EIPR1: variants seen among roughly 807,000 people sequenced by gnomAD.
EIPR1 encodes the protein EARP and GARP complex-interacting protein 1.
A neutral mutation model predicts 48.1 loss-of-function variants in EIPR1; 25 were observed. The ratio of observed to expected loss-of-function variants is 0.52; its 90% CI spans 0.38 to 0.73. The LOEUF (loss-of-function observed/expected upper bound fraction) is 0.73, where lower values mean the gene tolerates loss of function less well. Ranked by LOEUF, EIPR1 falls within the 30% of genes least tolerant of loss-of-function variation. The pLI is 0.00. For missense variants in EIPR1, 415 were observed against 506.2 expected (o/e 0.82, Z 1.73); for synonymous variants, 204 against 201.9 (o/e 1.01, Z -0.09).
chr2:3,290,191 C>T (rs933916175), intron 3 of EIPR1, among the ~76,000 whole-genome samples: 2 of 152,248 alleles, frequency 1.3e-5, no homozygotes, highest in Non-Finnish European at 2.9e-5. Flanking sequence ...TGGCACAAGA[C>T]AGTGGCTCGT....
chr2:3,305,909 A>T (rs1180875831), intron 3 of EIPR1, among the ~76,000 whole-genome samples: 1 of 152,190 alleles, frequency 6.6e-6, no homozygotes, highest in Non-Finnish European at 1.5e-5. Context: ...TTCCTACAAG[A>T]TGACTCCTTG....
intron 4 of EIPR1, among the ~76,000 whole-genome samples, chr2:3,240,772 A>G (rs1257461781): frequency 1.3e-5 from 2 of 150,830 alleles, no homozygotes; most frequent in African/African-American, 4.9e-5. Context: ...CTCCTAAAGC[A>G]AAGCCAGCAG....
chr2:3,367,676 G>T (rs1243315363), intron 1 of EIPR1, among the ~76,000 whole-genome samples: 1 of 152,152 alleles, frequency 6.6e-6, no homozygotes, highest in African/African-American at 2.4e-5. Flanking sequence ...AGCTATTAAT[G>T]TAACTGACCA....
chr2:3,328,495 C>T (rs1321289402), intron 3 of EIPR1, among the ~76,000 whole-genome samples: 1 of 99,288 alleles, frequency 1.0e-5, no homozygotes, highest in Non-Finnish European at 2.4e-5. Flanking sequence ...CTAATGATCT[C>T]GGTGCCAGCC....
At chr2:3,293,577 A>T (rs574834165) in intron 3 of EIPR1, among the ~76,000 whole-genome samples, 1 of 152,276 alleles carries the variant, frequency 6.6e-6, no homozygotes, top group African/African-American at 2.4e-5. Flanking sequence ...ACCAGTCCCC[A>T]CGGGCACCTC....
chr2:3,354,647 G>A lies in EIPR1; in HGVS notation c.43-14C>T. The A allele has an allele frequency of 1.2e-6, 2 of 1,612,096 alleles. No individual in the cohort carries two copies. The highest frequency in any genetic ancestry group is 1.7e-6 in the Non-Finnish European group (2 of 1,178,550). On this transcript the variant is annotated splice_polypyrimidine_tract_variant and intron_variant, in intron 1 of 8. Coordinates refer to ENST00000382125, the MANE Select transcript of EIPR1 (RefSeq NM_003310.5). ...TAAGGCACGTGCCTGCAGGAGGGAA[G>A]AAAAACACATGCACATTTATGAAGT...
intron 4 of EIPR1, among the ~76,000 whole-genome samples, chr2:3,225,749 C>T (rs1373849954): frequency 6.6e-6 from 1 of 152,154 alleles, no homozygotes; most frequent in Non-Finnish European, 1.5e-5. Flanking sequence ...AGAATGTATT[C>T]ATCTTATAAG....
At chr2:3,372,418 C>T (rs1462367840) in intron 1 of EIPR1, among the ~76,000 whole-genome samples, 4 of 150,294 alleles carry the variant, frequency 2.7e-5, no homozygotes, top group African/African-American at 9.7e-5. Flanking sequence ...ACAAAAAACC[C>T]TTCAAAAAAT....
At chr2:3,297,166 A>G (rs1252649690) in intron 3 of EIPR1, among the ~76,000 whole-genome samples, 1 of 152,224 alleles carries the variant, frequency 6.6e-6, no homozygotes, top group Non-Finnish European at 1.5e-5. Context: ...CTCAGCATGT[A>G]TCTGGTGACC....
chr2:3,239,484 A>T (rs891617405), intron 4 of EIPR1, among the ~76,000 whole-genome samples: 1 of 152,130 alleles, frequency 6.6e-6, no homozygotes, highest in Non-Finnish European at 1.5e-5. Flanking sequence ...TTGTCTTCAG[A>T]TTTGGCCATG....
chr2:3,362,248 A>G (rs1013725889), intron 1 of EIPR1, among the ~76,000 whole-genome samples: 2 of 148,954 alleles, frequency 1.3e-5, no homozygotes, highest in Non-Finnish European at 3.0e-5. Context: ...CCTTCCCCAC[A>G]GCCTGCCCCA....
chr2:3,336,166 C>T (rs1037933910), intron 3 of EIPR1, among the ~76,000 whole-genome samples: 21 of 152,116 alleles, frequency 1.4e-4, no homozygotes, highest in African/African-American at 4.8e-4. Context: ...AGTCCCTTGG[C>T]CATCTTAGCA....
chr2:3,306,830 C>T (rs1027807996), intron 3 of EIPR1, among the ~76,000 whole-genome samples: 2 of 152,092 alleles, frequency 1.3e-5, no homozygotes, highest in Non-Finnish European at 2.9e-5. Context: ...GTGGACCCCC[C>T]CAGTCCAAAC....
intron 8 of EIPR1, among the ~76,000 whole-genome samples, chr2:3,190,844 G>A (rs904038158): frequency 6.6e-6 from 1 of 152,236 alleles, no homozygotes; most frequent in Non-Finnish European, 1.5e-5. Flanking sequence ...GCTCATGCCT[G>A]TAATCCTAGC....
chr2:3,251,877 C>T (rs982307960), intron 4 of EIPR1, among the ~76,000 whole-genome samples: 1 of 152,190 alleles, frequency 6.6e-6, no homozygotes, highest in Non-Finnish European at 1.5e-5. Flanking sequence ...TCTGTTCATT[C>T]AACAGGGAGG....
chr2:3,304,492 GTCCCATCAGTTCAGCCCTCCAC>G (rs1371385172), intron 3 of EIPR1, among the ~76,000 whole-genome samples: 1,538 of 7,214 alleles, frequency 0.21, 711 homozygotes, highest in South Asian at 0.28. Context: ...CAGCCCTCCA[GTCCCATCAGTTCAGCCCTCCAC>G]TCCCGTCCAG....
intron 5 of EIPR1, among the ~76,000 whole-genome samples, chr2:3,211,198 C>T (rs770457776): frequency 7.9e-5 from 12 of 152,112 alleles, no homozygotes; most frequent in Non-Finnish European, 1.3e-4. Context: ...CCCATGGGCA[C>T]GCCGCAGTGA....
Position 3,312,278 on chromosome 2 carries a change from C to G in EIPR1, c.259+25739G>C, listed in dbSNP as rs1436742988. Among the ~76,000 whole-genome samples, 1 of 152,180 alleles carries G rather than the reference C, an allele frequency of 6.6e-6. No homozygotes were observed. The highest frequency in any genetic ancestry group is 1.5e-5 in the Non-Finnish European group (1 of 68,030). Reference sequence around the variant, plus strand: ...TTCCGGGTGTGCTCTGACGTTTTACCCGCCATCCCACTGACCACAGCTTGG... The same window carrying G: ...TTCCGGGTGTGCTCTGACGTTTTACGCGCCATCCCACTGACCACAGCTTGG... On this transcript the variant is annotated intron_variant, in intron 3 of 8. Coordinates refer to ENST00000382125, the MANE Select transcript of EIPR1 (RefSeq NM_003310.5). The surrounding 1 kb of genome is among the most constrained non-coding windows in gnomAD (Gnocchi z 5.5).
intron 4 of EIPR1, among the ~76,000 whole-genome samples, chr2:3,227,309 G>A (rs1337065244): frequency 2.0e-5 from 3 of 152,166 alleles, no homozygotes; most frequent in Non-Finnish European, 2.9e-5. Flanking sequence ...CAATAAAGTC[G>A]AGGCTGAGGT....
Sources: allele counts gnomAD v4.1 joint callset (sites outside exome capture counted in the v4.1 genomes callset), GRCh38; gene constraint gnomAD v4.1.1; non-coding constraint Gnocchi (gnomAD v3.1); transcripts MANE v1.5; gene names NCBI Gene and HGNC (gene_info 2026-07-23, HGNC 2026-07-21).